The following ZFP2 variants were observed in gnomAD, a reference collection of about 807,000 sequenced individuals.
The protein encoded by ZFP2 is ZFP2 zinc finger protein, also known as zinc finger protein ZFP2.
In ZFP2, 33 loss-of-function variants were observed where a neutral mutation model predicts 36.1. The observed-to-expected ratio is 0.92, with a 90% CI of 0.69 to 1.22. The LOEUF is 1.22. Ranked by LOEUF, ZFP2 falls within the 50% of genes most tolerant of loss-of-function variation. The pLI is 0.00. For missense variants in ZFP2, 522 were observed against 551.4 expected, an observed-to-expected ratio of 0.95 and a Z score of 0.53; for synonymous variants, 170 against 178.0, an observed-to-expected ratio of 0.96 and a Z score of 0.36.
At chr5:178,897,122 C>G (rs901058112) in intron 1 of ZFP2, among the ~76,000 whole-genome samples, 2 of 150,918 alleles carry the variant, frequency 1.3e-5, no homozygotes, top group Admixed American at 6.6e-5. Context: ...CTATAAATCT[C>G]TTAAAGTGAA....
intron 3 of ZFP2, 34 bp downstream of exon 3, chr5:178,913,105 G>A (rs1758331104): frequency 2.1e-6 from 2 of 974,182 alleles, no homozygotes; most frequent in South Asian, 9.5e-5. Context: ...TGTTAAATGA[G>A]TGTGTCTTTG....
chr5:178,919,264 T>C (rs1251150824), intron 4 of ZFP2, among the ~76,000 whole-genome samples: 1 of 152,240 alleles, frequency 6.6e-6, no homozygotes, highest in African/African-American at 2.4e-5. Flanking sequence ...ATGATAGTAA[T>C]AGATTCTTAA....
chr5:178,914,545 CA>C (rs1448420370), intron 3 of ZFP2, among the ~76,000 whole-genome samples: 2 of 151,620 alleles, frequency 1.3e-5, no homozygotes, highest in Non-Finnish European at 2.9e-5. Context: ...ATTTATTCAA[CA>C]AATATCTATT....
rs572643299 is a variant in ZFP2 at position 178,904,776 on chromosome 5, C to T, written c.-449-7808C>T. ...GGAGTGCAATGGCATGATTTTGGCT[C>T]ACTGCAACCTCTGCCTGCCGGGTTC... On this transcript the variant is annotated intron_variant, in intron 1 of 4. Coordinates refer to ENST00000361362, the MANE Select transcript of ZFP2 (RefSeq NM_030613.4). Among the ~76,000 whole-genome samples the T allele has an allele frequency of 1.7e-4, 23 of 137,972 alleles. No homozygotes were observed. In the South Asian group the frequency reaches 4.9e-3, roughly 29 times the overall value. 90.5% of individuals were successfully genotyped at this position (137,972 alleles called of 152,430 possible).
At chr5:178,928,648 C>G (rs1758748122) in intron 4 of ZFP2, among the ~76,000 whole-genome samples, 1 of 152,252 alleles carries the variant, frequency 6.6e-6, no homozygotes, top group South Asian at 2.1e-4. Flanking sequence ...TTGCAGTGTT[C>G]AGTCCCTGCA....
intron 1 of ZFP2, among the ~76,000 whole-genome samples, chr5:178,908,634 A>C (rs756113368): frequency 9.6e-4 from 146 of 151,652 alleles, no homozygotes; most frequent in Non-Finnish European, 1.7e-3. Context: ...AAAAAAAAAA[A>C]AAAACCTAAT....
chr5:178,925,130 C>A, intron 4 of ZFP2, among the ~76,000 whole-genome samples: 1 of 72,534 alleles, frequency 1.4e-5, no homozygotes, highest in East Asian at 2.6e-4. Context: ...TATATATACA[C>A]ACACACACAC....
chr5:178,905,110 C>T (rs1430164693), intron 1 of ZFP2, among the ~76,000 whole-genome samples: 1 of 152,118 alleles, frequency 6.6e-6, no homozygotes, highest in Non-Finnish European at 1.5e-5. Flanking sequence ...GAAGTTCCAA[C>T]AGTAATAGTA....
intron 4 of ZFP2, among the ~76,000 whole-genome samples, chr5:178,930,006 A>G (rs1758791757): frequency 6.6e-6 from 1 of 151,600 alleles, no homozygotes; most frequent in African/African-American, 2.4e-5. Flanking sequence ...GGCACATCAA[A>G]TGGCAAGAGC....
At chr5:178,927,662 A>AGTGT (rs1561684956) in intron 4 of ZFP2, among the ~76,000 whole-genome samples, 39 of 100,848 alleles carry the variant, frequency 3.9e-4, no homozygotes, top group African/African-American at 1.3e-3. Context: ...ATACCTGGCC[A>AGTGT]ATGTGTGTGT....
intron 4 of ZFP2, among the ~76,000 whole-genome samples, chr5:178,923,094 T>C (rs940551775): frequency 4.7e-5 from 7 of 149,718 alleles, no homozygotes; most frequent in African/African-American, 1.7e-4. Flanking sequence ...TAGGTGTCTT[T>C]TTTTAATTGT....
chr5:178,899,940 G>A (rs10035462), intron 1 of ZFP2, among the ~76,000 whole-genome samples: 34 of 152,296 alleles, frequency 2.2e-4, no homozygotes, highest in African/African-American at 8.2e-4. Context: ...GTGGAGGCAA[G>A]TATAAACTGT....
chr5:178,920,690 T>G (rs1453331238), intron 4 of ZFP2, among the ~76,000 whole-genome samples: 1 of 152,220 alleles, frequency 6.6e-6, no homozygotes, highest in Non-Finnish European at 1.5e-5. Flanking sequence ...CACTTAGTTC[T>G]TTTTATATGC....
At chr5:178,906,217 C>T (rs1486792720) in intron 1 of ZFP2, among the ~76,000 whole-genome samples, 1 of 152,200 alleles carries the variant, frequency 6.6e-6, no homozygotes, top group African/African-American at 2.4e-5. Flanking sequence ...CAAGGAAGAC[C>T]AGCACATAGC....
intron 4 of ZFP2, among the ~76,000 whole-genome samples, chr5:178,924,342 C>T (rs1297858268): frequency 1.4e-5 from 2 of 140,204 alleles, no homozygotes; most frequent in African/African-American, 5.1e-5. Context: ...CACTGCACTC[C>T]AGCCTGCATG....
chr5:178,908,742 GA>G (rs1758226386), intron 1 of ZFP2, among the ~76,000 whole-genome samples: 2 of 151,028 alleles, frequency 1.3e-5, no homozygotes, highest in African/African-American at 4.9e-5. Context: ...CCCAAAACAA[GA>G]AATAACCAAA....
intron 1 of ZFP2, among the ~76,000 whole-genome samples, chr5:178,899,711 T>G (rs1758014794): frequency 6.6e-6 from 1 of 151,548 alleles, no homozygotes; most frequent in Admixed American, 6.6e-5. Flanking sequence ...GCTGGGATAG[T>G]AGGTGAGGAT....
In ZFP2 at chr5:178,902,167, C is replaced by G. The variant is rs183565659; in HGVS notation, c.-450+6193C>G. On this transcript the variant is annotated intron_variant, in intron 1 of 4. Transcript: ENST00000361362. Reference sequence around the variant, plus strand: ...AAAAATAAAACAATTTCTGGATAGTCTTCATCTAAATTAACATTTTGCCAT... The same window carrying G: ...AAAAATAAAACAATTTCTGGATAGTGTTCATCTAAATTAACATTTTGCCAT... 3.0e-4 allele frequency among the ~76,000 whole-genome samples: 45 copies of G among 152,232 alleles called. 1 individual carries two copies. In the East Asian group the frequency reaches 5.4e-3, roughly 18 times the overall value.
At chr5:178,910,212 G>T in intron 1 of ZFP2, 2 of 1,579,962 alleles carry the variant, frequency 1.3e-6, no homozygotes, top group East Asian at 2.2e-5. Context: ...CATGGTTGCA[G>T]CCTGGAACTT....
Sources: allele counts gnomAD v4.1 joint callset (sites outside exome capture counted in the v4.1 genomes callset), GRCh38; gene constraint gnomAD v4.1.1; transcripts MANE v1.5; gene names NCBI Gene and HGNC (gene_info 2026-07-23, HGNC 2026-07-21).